Variants in AHRR observed in about 807,000 individuals in gnomAD.
The protein encoded by AHRR is aryl hydrocarbon receptor repressor.
A neutral mutation model predicts 44.0 loss-of-function variants in AHRR; 28 were observed. The ratio of observed to expected loss-of-function variants is 0.64; its 90% CI spans 0.47 to 0.87. AHRR has a LOEUF of 0.87. Among genes scored for constraint, AHRR ranks in the 40% least tolerant of loss-of-function variants. The pLI is 0.00. For missense variants in AHRR, 990 were observed against 953.9 expected (o/e 1.04, Z -0.50); for synonymous variants, 434 against 407.0 (o/e 1.07, Z -0.80).
chr5:403,705 C>A, intron 4 of AHRR: 3 of 777,880 alleles, frequency 3.9e-6, no homozygotes, highest in Non-Finnish European at 4.0e-6. Context: ...TACTTTCTCT[C>A]AGAGGCATAT....
At chr5:335,805 C>G (rs751656053) in intron 1 of AHRR, among the ~76,000 whole-genome samples, 1 of 152,242 alleles carries the variant, frequency 6.6e-6, no homozygotes, top group South Asian at 2.1e-4. Context: ...GTGCCTGGCC[C>G]GCAACTCAGC....
At chr5:343,643 G>C in intron 1 of AHRR, 1 of 482,666 alleles carries the variant, frequency 2.1e-6, no homozygotes, top group African/African-American at 2.1e-5. Context: ...GCTTCTCTGG[G>C]GGAGGCCGGG....
At chr5:375,014 A>G (rs1035457857) in intron 3 of AHRR, among the ~76,000 whole-genome samples, 2 of 152,146 alleles carry the variant, frequency 1.3e-5, no homozygotes, top group African/African-American at 2.4e-5. Context: ...AGCTCAGAGC[A>G]AAGTGTGAAC....
chr5:371,201 C>T (rs1277561284), intron 3 of AHRR, among the ~76,000 whole-genome samples: 1 of 152,206 alleles, frequency 6.6e-6, no homozygotes, highest in Non-Finnish European at 1.5e-5. Flanking sequence ...ATGGACTGCC[C>T]AGCCACACTG....
intron 2 of AHRR, among the ~76,000 whole-genome samples, chr5:349,735 C>T (rs1472251971): frequency 6.6e-6 from 1 of 152,172 alleles, no homozygotes; most frequent in Non-Finnish European, 1.5e-5. Context: ...TAAAGTTTTA[C>T]AGTAGTTTAA....
At position 404,337 on chromosome 5, in the gene AHRR, C is replaced by CTTTTTTT. The variant is rs3840994; in HGVS notation, c.352-9003_352-8997dup. ...CAGTGTTACTAAAAGCTGTTTCACT[C>CTTTTTTT]TTTTTTTTTTCTTTTTTCCTTCATT... is the stretch of plus-strand genomic sequence containing the variant. On this transcript the variant is annotated intron_variant, in intron 4 of 10. Transcript: ENST00000684583. This position sits in a 1 kb window ranked among gnomAD's most constrained non-coding sequence, Gnocchi z 4.1. 1.3e-5 allele frequency: 6 copies of CTTTTTTT among 460,280 alleles called. No homozygotes were observed. Among genetic ancestry groups the CTTTTTTT allele is most frequent in the Non-Finnish European group, 2.2e-5 (5 of 230,826 alleles). 28.5% of individuals were successfully genotyped at this position (460,280 alleles called of 1,614,324 possible).
chr5:367,680 C>T, intron 3 of AHRR: 1 of 598,990 alleles, frequency 1.7e-6, no homozygotes, highest in East Asian at 2.8e-5. Flanking sequence ...CCTTCCCCAG[C>T]CTCACTTTTA....
intron 1 of AHRR, among the ~76,000 whole-genome samples, chr5:340,663 A>ATT (rs1560881433): frequency 3.0e-4 from 18 of 59,368 alleles, no homozygotes; most frequent in African/African-American, 1.4e-3. Context: ...TCACAGCAAT[A>ATT]TTATATATAT....
At chr5:367,374 C>G (rs1743395937) in intron 3 of AHRR, among the ~76,000 whole-genome samples, 1 of 152,224 alleles carries the variant, frequency 6.6e-6, no homozygotes, top group Admixed American at 6.5e-5. Context: ...TTTTGGGCAG[C>G]TGGGCCTTTT....
intron 5 of AHRR, among the ~76,000 whole-genome samples, chr5:420,288 C>T (rs1341862068): frequency 1.3e-5 from 2 of 152,222 alleles, no homozygotes; most frequent in Middle Eastern, 3.2e-3. Flanking sequence ...GAAGCCTAAA[C>T]CCAGCATTCC....
At chr5:382,160 A>G (rs1032158393) in intron 4 of AHRR, among the ~76,000 whole-genome samples, 3 of 152,230 alleles carry the variant, frequency 2.0e-5, no homozygotes, top group African/African-American at 7.2e-5. Flanking sequence ...GGGTTTGAAT[A>G]TCATGGTAAC....
chr5:393,312 C>A (rs1392092179), intron 4 of AHRR, among the ~76,000 whole-genome samples: 1 of 152,234 alleles, frequency 6.6e-6, no homozygotes, highest in Non-Finnish European at 1.5e-5. Context: ...CTTGTCTTTG[C>A]ACCTAACGTT....
At chr5:349,065 T>C (rs1002711454) in intron 2 of AHRR, among the ~76,000 whole-genome samples, 2 of 152,234 alleles carry the variant, frequency 1.3e-5, no homozygotes, top group African/African-American at 2.4e-5. Flanking sequence ...TAGTGACTAA[T>C]GGTGTTGAGG....
intron 4 of AHRR, among the ~76,000 whole-genome samples, chr5:384,867 C>T (rs181609561): frequency 6.6e-5 from 10 of 152,134 alleles, no homozygotes; most frequent in East Asian, 1.9e-4. Context: ...CTCTTTAGGC[C>T]GGGCGCGGTG....
rs764960811 is a variant in AHRR at position 434,032 on chromosome 5, G to A, written c.1292G>A (p.Arg431His). 1.7e-5 allele frequency: 28 copies of A among 1,605,906 alleles called. No individual in the cohort carries two copies. The East Asian group carries it at 3.1e-4, about 18-fold the overall frequency. The change falls in exon 11 of 11, where the codon CGC (arginine) becomes CAC (histidine). Residue 431 changes from arginine to histidine, a missense_variant. By Grantham distance (29) the Arg-to-His change is conservative. Coordinates refer to ENST00000684583, the MANE Select transcript of AHRR (RefSeq NM_001377236.1). ...CCGCCCTCCCTGCGCCCCATGCCCC[G>A]CGGCTCCTGCCTGCCCTGCCCGTGT... ...NDPPSLRPMP[R>H]GSCLPCPCVQ...
Position 405,388 on chromosome 5 carries a change from C to T in AHRR, c.352-7956C>T, listed in dbSNP as rs1011653421. On this transcript the variant is annotated intron_variant, in intron 4 of 10. Transcript: ENST00000684583. The surrounding 1 kb of genome is among the most constrained non-coding windows in gnomAD (Gnocchi z 4.5). ...AGGGTGATAACGATGGGCTTCTTTA[C>T]TGATGCCAAACCGTATAAAGCATTG... Among the ~76,000 whole-genome samples the T allele has an allele frequency of 6.6e-6, 1 of 152,176 alleles. No individual in the cohort carries two copies. Among genetic ancestry groups the T allele is most frequent in the African/African-American group, 2.4e-5 (1 of 41,436 alleles).
intron 1 of AHRR, among the ~76,000 whole-genome samples, chr5:341,931 T>A (rs1579598000): frequency 1.3e-5 from 2 of 152,238 alleles, no homozygotes; most frequent in Admixed American, 1.3e-4. Context: ...AAAATATTTT[T>A]AAATTTCTTT....
At chr5:392,739 C>T (rs1159885164) in intron 4 of AHRR, among the ~76,000 whole-genome samples, 1 of 152,164 alleles carries the variant, frequency 6.6e-6, no homozygotes, top group Non-Finnish European at 1.5e-5. Context: ...CTGTGTGACT[C>T]TTCAGACCTG....
At chr5:367,927 G>T (rs767650283) in intron 3 of AHRR, 1 of 702,394 alleles carries the variant, frequency 1.4e-6, no homozygotes, top group Non-Finnish European at 2.6e-6. Context: ...TACTCAGTTC[G>T]GTCTGCATCT....
Sources: allele counts gnomAD v4.1 joint callset (sites outside exome capture counted in the v4.1 genomes callset), GRCh38; gene constraint gnomAD v4.1.1; non-coding constraint Gnocchi (gnomAD v3.1); transcripts MANE v1.5; gene names NCBI Gene and HGNC (gene_info 2026-07-23, HGNC 2026-07-21).